The following KLHL1 variants were observed in gnomAD, a reference collection of about 807,000 sequenced individuals.
KLHL1 encodes the protein kelch-like protein 1.
Under a neutral mutation model 77.7 loss-of-function variants are expected in KLHL1, and 47 were observed. That is an observed-to-expected ratio of 0.60 (90% CI 0.48 to 0.77). The LOEUF (loss-of-function observed/expected upper bound fraction) is 0.77, where lower values mean the gene tolerates loss of function less well. Among genes scored for constraint, KLHL1 ranks in the 30% least tolerant of loss-of-function variants. KLHL1 has a pLI of 0.00. For synonymous variants in KLHL1, 360 were observed against 325.2 expected, an observed-to-expected ratio of 1.11 and a Z score of -1.15; for missense variants, 925 against 910.8, an observed-to-expected ratio of 1.02 and a Z score of -0.20.
At chr13:69,804,657 T>G (rs945884236) in intron 6 of KLHL1, among the ~76,000 whole-genome samples, 1 of 152,048 alleles carries the variant, frequency 6.6e-6, no homozygotes, top group Non-Finnish European at 1.5e-5. Flanking sequence ...TGGGTGGCAG[T>G]GAGAAAATAA....
rs1409948532 is a variant in KLHL1 at position 69,793,831 on chromosome 13, G to A, written c.1639+2907C>T. Among the ~76,000 whole-genome samples, 13 of 152,054 alleles carry A rather than the reference G, an allele frequency of 8.5e-5. No homozygotes were observed. The East Asian group carries it at 1.4e-3, about 16-fold the overall frequency. On this transcript the variant is annotated intron_variant, in intron 7 of 10. Coordinates refer to ENST00000377844, the MANE Select transcript of KLHL1 (RefSeq NM_020866.3). ...TTGAGAGCCTGACATCATTTGTGAC[G>A]TTCTGAGTGAGATAAAAATTTAGAG... is the stretch of plus-strand genomic sequence containing the variant.
At chr13:70,038,736 G>A (rs757659260) in intron 1 of KLHL1, among the ~76,000 whole-genome samples, 6 of 151,410 alleles carry the variant, frequency 4.0e-5, no homozygotes, top group East Asian at 2.0e-4. Context: ...GATTACAGGC[G>A]CCCACCACCA....
intron 1 of KLHL1, among the ~76,000 whole-genome samples, chr13:70,012,686 G>A (rs529011319): frequency 9.7e-4 from 147 of 152,052 alleles, no homozygotes; most frequent in African/African-American, 1.7e-3. Flanking sequence ...TGAGGCGGGT[G>A]GATCACGAGG....
intron 6 of KLHL1, among the ~76,000 whole-genome samples, chr13:69,831,453 T>TA (rs1878758248): frequency 6.7e-6 from 1 of 149,256 alleles, no homozygotes; most frequent in Non-Finnish European, 1.5e-5. Context: ...AAATGGTAAT[T>TA]AAAAAAAGTG....
At chr13:69,924,568 T>C (rs978478557) in intron 4 of KLHL1, among the ~76,000 whole-genome samples, 3 of 152,110 alleles carry the variant, frequency 2.0e-5, no homozygotes, top group African/African-American at 2.4e-5. Flanking sequence ...TTAATAAAAC[T>C]CCTGTTTGTC....
At chr13:70,052,314 GC>G (rs1199724996) in intron 1 of KLHL1, among the ~76,000 whole-genome samples, 5 of 151,280 alleles carry the variant, frequency 3.3e-5, no homozygotes, top group Non-Finnish European at 7.4e-5. Flanking sequence ...AATTACTTTG[GC>G]CCTATGTAAA....
At position 70,107,914 on chromosome 13, in the gene KLHL1, C is replaced by T; in HGVS notation, c.-215G>A. 2.0e-6 allele frequency: 1 copy of T among 510,968 alleles called. No individual in the cohort carries two copies. The highest frequency in any genetic ancestry group is 3.5e-5 in the South Asian group (1 of 28,346). 31.7% of individuals were successfully genotyped at this position (510,968 alleles called of 1,614,324 possible). A position where few individuals can be genotyped will look rare whatever the true frequency, so the allele number is the denominator to read the frequency against. Reference sequence around the variant, plus strand: ...CGCGTTTCAGCCGTGGTCGGGTCCGCAGGACCTGGGCGTGGGGACACCACC... The same window carrying T: ...CGCGTTTCAGCCGTGGTCGGGTCCGTAGGACCTGGGCGTGGGGACACCACC... On this transcript the variant is annotated 5_prime_UTR_variant, in exon 1 of 11. Coordinates refer to ENST00000377844, the MANE Select transcript of KLHL1 (RefSeq NM_020866.3).
intron 1 of KLHL1, among the ~76,000 whole-genome samples, chr13:70,095,592 T>C (rs952537901): frequency 6.6e-6 from 1 of 152,176 alleles, no homozygotes; most frequent in Non-Finnish European, 1.5e-5. Flanking sequence ...GTACATATGA[T>C]ACTTTAATAC....
chr13:69,805,794 T>C (rs1271453412), intron 6 of KLHL1, among the ~76,000 whole-genome samples: 1 of 151,398 alleles, frequency 6.6e-6, no homozygotes, highest in Non-Finnish European at 1.5e-5. Flanking sequence ...ATGATATTAC[T>C]TATTTCATAA....
chr13:69,830,340 A>T (rs1878714671), intron 6 of KLHL1, among the ~76,000 whole-genome samples: 1 of 150,262 alleles, frequency 6.7e-6, no homozygotes, highest in South Asian at 2.1e-4. Context: ...ATGACAGTTT[A>T]AAAAGGTAAA....
intron 1 of KLHL1, among the ~76,000 whole-genome samples, chr13:70,096,840 G>A (rs185874697): frequency 4.5e-4 from 68 of 151,860 alleles, no homozygotes; most frequent in Admixed American, 7.9e-4. Context: ...AAGCATAGAG[G>A]GAATCTTCTC....
chr13:69,823,971 A>G (rs1243146867), intron 6 of KLHL1, among the ~76,000 whole-genome samples: 2 of 151,940 alleles, frequency 1.3e-5, no homozygotes, highest in Non-Finnish European at 2.9e-5. Flanking sequence ...TGTGTATATC[A>G]TTATGTGTGT....
At chr13:69,742,315 G>C (rs989506992) in intron 7 of KLHL1, among the ~76,000 whole-genome samples, 9 of 152,112 alleles carry the variant, frequency 5.9e-5, no homozygotes, top group African/African-American at 2.2e-4. Flanking sequence ...TCTGTTCTTA[G>C]TCTTTCTGTT....
intron 4 of KLHL1, among the ~76,000 whole-genome samples, chr13:69,930,958 G>T (rs1488098010): frequency 1.3e-5 from 2 of 151,438 alleles, no homozygotes; most frequent in Admixed American, 1.3e-4. Context: ...TAGCTCAACT[G>T]CAATATATAA....
At chr13:69,976,378 A>T (rs930030913) in intron 1 of KLHL1, among the ~76,000 whole-genome samples, 6 of 152,100 alleles carry the variant, frequency 3.9e-5, no homozygotes, top group African/African-American at 1.2e-4. Context: ...TTAACTCAGT[A>T]CTTATAATAA....
At chr13:69,807,100 C>A (rs1877649210) in intron 6 of KLHL1, among the ~76,000 whole-genome samples, 1 of 152,186 alleles carries the variant, frequency 6.6e-6, no homozygotes, top group South Asian at 2.1e-4. Flanking sequence ...ATGAGTGCAA[C>A]TGTCACCTGA....
intron 2 of KLHL1, among the ~76,000 whole-genome samples, chr13:69,972,491 A>G (rs1884414540): frequency 6.6e-6 from 1 of 151,866 alleles, no homozygotes; most frequent in Non-Finnish European, 1.5e-5. Flanking sequence ...AACATATTGC[A>G]TGCTTGCTGT....
At chr13:69,782,011 C>T (rs1469053317) in intron 7 of KLHL1, among the ~76,000 whole-genome samples, 3 of 152,086 alleles carry the variant, frequency 2.0e-5, no homozygotes, top group South Asian at 2.1e-4. Flanking sequence ...TTTGAAGAGA[C>T]ATTTCTTACA....
chr13:69,712,760 G>GT (rs67612326), intron 9 of KLHL1, among the ~76,000 whole-genome samples: 5,021 of 127,054 alleles, frequency 0.04, 291 homozygotes, highest in African/African-American at 0.15. Context: ...TTTGTTTTTT[G>GT]TTTTTTTTTT....
Sources: gnomAD v4.1 joint callset for allele counts (sites outside exome capture counted in the v4.1 genomes callset) on GRCh38, gnomAD v4.1.1 for gene constraint, MANE v1.5 for transcripts, NCBI Gene and HGNC (gene_info 2026-07-23, HGNC 2026-07-21) for gene names.